The following CENPW variants were observed in gnomAD, a reference collection of about 807,000 sequenced individuals.
The protein encoded by CENPW is centromere protein W, also known as cancer-up-regulated gene 2 protein.
In CENPW, 3 loss-of-function variants were observed where a neutral mutation model predicts 11.1. The observed-to-expected ratio is 0.27, with a 90% CI of 0.12 to 0.70. The LOEUF (loss-of-function observed/expected upper bound fraction) is 0.70. Among genes scored for constraint, CENPW ranks in the 30% least tolerant of loss-of-function variants. The pLI, the probability that CENPW is intolerant of heterozygous loss-of-function variation, is 0.77. For synonymous variants in CENPW, 38 were observed against 42.0 expected, an observed-to-expected ratio of 0.91 and a Z score of 0.37; for missense variants, 100 against 105.6, an observed-to-expected ratio of 0.95 and a Z score of 0.23.
chr6:126,440,211 A>C, the CENPW span, among the ~76,000 whole-genome samples: 5 of 151,670 alleles, frequency 3.3e-5, no homozygotes, highest in African/African-American at 1.2e-4. Context: ...GAGAGCATGA[A>C]TAAATATAGT....
At chr6:126,458,881 TC>T in the CENPW span, among the ~76,000 whole-genome samples, 1 of 151,358 alleles carries the variant, frequency 6.6e-6, no homozygotes, top group Non-Finnish European at 1.5e-5. Context: ...CATTCTCAGA[TC>T]CCTTTTGGTC....
At chr6:126,413,019 C>T in the CENPW span, among the ~76,000 whole-genome samples, 2 of 152,082 alleles carry the variant, frequency 1.3e-5, no homozygotes, top group Middle Eastern at 6.8e-3. Flanking sequence ...ATGACATTTT[C>T]CAGAAGCTTT....
At chr6:126,355,102 A>AT in the CENPW span, among the ~76,000 whole-genome samples, 1 of 152,052 alleles carries the variant, frequency 6.6e-6, no homozygotes, top group African/African-American at 2.4e-5. Flanking sequence ...TGTTATTGCC[A>AT]TTTTTTTCAT....
At chr6:126,349,353 TAG>T (rs1361659105), downstream of CENPW, among the ~76,000 whole-genome samples, 5 of 152,284 alleles carry the variant, frequency 3.3e-5, no homozygotes, top group East Asian at 7.7e-4. Context: ...TTTTATGGTG[TAG>T]ATTTGTTTAA....
At chr6:126,365,303 A>T in the CENPW span, among the ~76,000 whole-genome samples, 2 of 152,220 alleles carry the variant, frequency 1.3e-5, no homozygotes, top group South Asian at 4.1e-4. Context: ...ACTGTAAGGA[A>T]ATACCTGAAA....
At chr6:126,417,073 G>A in the CENPW span, among the ~76,000 whole-genome samples, 1 of 152,200 alleles carries the variant, frequency 6.6e-6, no homozygotes, top group African/African-American at 2.4e-5. Flanking sequence ...AGCCACAGGG[G>A]TGGAGCTACC....
At chr6:126,476,088 GA>G in the CENPW span, among the ~76,000 whole-genome samples, 263 of 134,152 alleles carry the variant, frequency 2.0e-3, no homozygotes, top group African/African-American at 3.9e-3. Flanking sequence ...TTTTCCTATA[GA>G]AAAAAAAAAA....
chr6:126,400,131 A>T, the CENPW span, among the ~76,000 whole-genome samples: 1 of 152,064 alleles, frequency 6.6e-6, no homozygotes, highest in South Asian at 2.1e-4. Flanking sequence ...AGGAAGGCAA[A>T]TGCTTGCTTA....
At chr6:126,392,700 T>C in the CENPW span, among the ~76,000 whole-genome samples, 1 of 152,050 alleles carries the variant, frequency 6.6e-6, no homozygotes, top group African/African-American at 2.4e-5. Flanking sequence ...TGTTTGCTAG[T>C]ACTTTGTTGA....
the CENPW span, among the ~76,000 whole-genome samples, chr6:126,447,073 G>A: frequency 2.6e-5 from 4 of 151,104 alleles, no homozygotes; most frequent in Non-Finnish European, 3.0e-5. Flanking sequence ...GGGATGGGAT[G>A]TGGAGTGGAA....
At chr6:126,440,206 C>T in the CENPW span, among the ~76,000 whole-genome samples, 1 of 151,550 alleles carries the variant, frequency 6.6e-6, no homozygotes, top group African/African-American at 2.4e-5. Flanking sequence ...TAGGTGAGAG[C>T]ATGAATAAAT....
the CENPW span, among the ~76,000 whole-genome samples, chr6:126,473,477 A>G: frequency 9.9e-5 from 15 of 152,070 alleles, no homozygotes; most frequent in Non-Finnish European, 2.1e-4. Flanking sequence ...CATTCCGGTA[A>G]TCTCAGCGCT....
At chr6:126,359,760 T>TA in the CENPW span, among the ~76,000 whole-genome samples, 1 of 150,772 alleles carries the variant, frequency 6.6e-6, no homozygotes, top group Admixed American at 6.6e-5. Context: ...TTCTTTTCTT[T>TA]TTTTTTTTTT....
rs1261412148 is a variant in CENPW at position 126,340,417 on chromosome 6, C to A, written c.126+18C>A. 1 of 1,614,190 alleles carries A rather than the reference C, an allele frequency of 6.2e-7. No homozygotes were observed. The highest frequency in any genetic ancestry group is 8.5e-7 in the Non-Finnish European group (1 of 1,180,034). ...ACTTATTGGTGAGATTCCATCCCTTCTCGGGCTGGGAATGGGGCACGGGAG... is the reference window on the plus strand; with the variant it reads ...ACTTATTGGTGAGATTCCATCCCTTATCGGGCTGGGAATGGGGCACGGGAG... On this transcript the variant is annotated intron_variant, in intron 1 of 2. Coordinates refer to ENST00000368328, the MANE Select transcript of CENPW (RefSeq NM_001012507.4).
At chr6:126,355,477 T>C in the CENPW span, among the ~76,000 whole-genome samples, 2 of 152,074 alleles carry the variant, frequency 1.3e-5, no homozygotes, top group African/African-American at 4.8e-5. Flanking sequence ...ACAAAAGTGG[T>C]ATAAAGGCAC....
chr6:126,365,380 C>T, the CENPW span, among the ~76,000 whole-genome samples: 3 of 152,160 alleles, frequency 2.0e-5, no homozygotes. Flanking sequence ...CAGGCTTCTG[C>T]TTCTGGGGAA....
the CENPW span, among the ~76,000 whole-genome samples, chr6:126,400,077 T>G: frequency 1.3e-5 from 2 of 152,096 alleles, no homozygotes; most frequent in Admixed American, 1.3e-4. Context: ...TTGAACGAGT[T>G]ATTTTGGAAG....
At chr6:126,395,651 C>T in the CENPW span, among the ~76,000 whole-genome samples, 1 of 152,052 alleles carries the variant, frequency 6.6e-6, no homozygotes, top group Non-Finnish European at 1.5e-5. Flanking sequence ...GTAGTCTTCA[C>T]AATTTGGTCT....
the CENPW span, among the ~76,000 whole-genome samples, chr6:126,422,684 T>C: frequency 6.6e-6 from 1 of 152,066 alleles, no homozygotes; most frequent in Non-Finnish European, 1.5e-5. Context: ...TCATCCCTCA[T>C]GCCAAAAAAT....
Sources: allele counts gnomAD v4.1 joint callset (sites outside exome capture counted in the v4.1 genomes callset), GRCh38; gene constraint gnomAD v4.1.1; transcripts MANE v1.5; gene names NCBI Gene and HGNC (gene_info 2026-07-23, HGNC 2026-07-21).